The following FIGNL2 variants were observed in gnomAD, a reference collection of about 807,000 sequenced individuals.
The protein encoded by FIGNL2 is fidgetin-like protein 2.
For synonymous variants in FIGNL2, 565 were observed against 484.0 expected, an observed-to-expected ratio of 1.17 and a Z score of -2.20; for missense variants, 1,060 against 950.2, an observed-to-expected ratio of 1.12 and a Z score of -1.52.
rs765510193 is a variant in FIGNL2, at chr12:51,821,601, G to C, written c.813C>G (p.Asp271Glu). The C allele has an allele frequency of 6.6e-7, 1 of 1,506,458 alleles. No individual in the cohort carries two copies. The highest frequency in any genetic ancestry group is 2.7e-5 in the East Asian group (1 of 36,776). 93.3% of individuals were successfully genotyped at this position (1,506,458 alleles called of 1,614,324 possible). ...SGLSLKRKAA[D>E]EGPEGRYRKY... ...TGCGGTAGCGGCCCTCGGGCCCCTC[G>C]TCGGCGGCCTTGCGCTTCAGCGACA... The change falls in exon 2 of 2, where the codon GAC becomes GAG. Residue 271 changes from aspartate (D) to glutamate (E), a missense_variant. Asp to Glu is a conservative substitution (Grantham distance 45). Transcript: ENST00000618634.
chr12:51,825,809 G>C (rs1939330236), intron 1 of FIGNL2: 2 of 151,774 alleles, frequency 1.3e-5, no homozygotes, highest in Admixed American at 1.3e-4. Flanking sequence ...GTAGAGACGG[G>C]GTTTCACCGT....
chr12:51,848,424 A>G, intron 1 of FIGNL2, 116 bp downstream of exon 1: 1 of 981,090 alleles, frequency 1.0e-6, no homozygotes, highest in Non-Finnish European at 1.2e-6. Context: ...CCCCGCGACT[A>G]GCAGCCCCCG....
In FIGNL2 at chr12:51,819,782, T is replaced by G. The variant is rs1490568180; in HGVS notation, c.*670A>C. 3 of 152,622 alleles carry G rather than the reference T, an allele frequency of 2.0e-5. No homozygotes were observed. Among genetic ancestry groups the G allele is most frequent in the African/African-American group, 4.8e-5 (2 of 41,414 alleles). 9.5% of individuals were successfully genotyped at this position (152,622 alleles called of 1,614,324 possible). Reference sequence around the variant, plus strand: ...TTTTTTCCTTGATCCCCCTAGACCCTAGGTTTCAGATGGGTAGAGGGGTAA... The same window carrying G: ...TTTTTTCCTTGATCCCCCTAGACCCGAGGTTTCAGATGGGTAGAGGGGTAA... On this transcript the variant is annotated 3_prime_UTR_variant, in exon 2 of 2. Coordinates refer to ENST00000618634, the MANE Select transcript of FIGNL2 (RefSeq NM_001384995.1).
In FIGNL2 at chr12:51,818,725, T is replaced by TG. The variant is rs1398391003; in HGVS notation, c.*1726dup. The TG allele has an allele frequency of 6.6e-6, 1 of 150,620 alleles. No individual in the cohort carries two copies. The highest frequency in any genetic ancestry group is 1.5e-5 in the Non-Finnish European group (1 of 67,806). 9.3% of individuals were successfully genotyped at this position (150,620 alleles called of 1,614,324 possible). A position where few individuals can be genotyped will look rare whatever the true frequency, so the allele number is the denominator to read the frequency against. On this transcript the variant is annotated 3_prime_UTR_variant, in exon 2 of 2. Coordinates refer to ENST00000618634, the MANE Select transcript of FIGNL2 (RefSeq NM_001384995.1). ...CTGAGATGGGAGAGAGAAAAAGTGG[T>TG]GGTGGGGGGGCGTGTCCCCTGCTTT...
At chr12:51,838,754 G>A (rs1475816543) in intron 1 of FIGNL2, among the ~76,000 whole-genome samples, 1 of 152,166 alleles carries the variant, frequency 6.6e-6, no homozygotes, top group Non-Finnish European at 1.5e-5. Context: ...CTGGCTAGGT[G>A]CAGTGGCCTG....
chr12:51,831,333 T>C (rs1939462016), intron 1 of FIGNL2, among the ~76,000 whole-genome samples: 2 of 152,110 alleles, frequency 1.3e-5, no homozygotes, highest in African/African-American at 4.8e-5. Context: ...GGACAGCAGG[T>C]CCCAGCTCGG....
At chr12:51,834,636 G>A (rs1486031191) in intron 1 of FIGNL2, among the ~76,000 whole-genome samples, 1 of 152,200 alleles carries the variant, frequency 6.6e-6, no homozygotes. Context: ...AGGTCGGCCT[G>A]GGAGAAGCTG....
rs1180913708 is a variant in FIGNL2 at position 51,845,675 on chromosome 12, G to A, written c.-12+2865C>T. The A allele has an allele frequency of 6.1e-6, 6 of 985,314 alleles. No homozygotes were observed. The South Asian group carries it at 2.3e-4, about 39-fold the overall frequency. 61.0% of individuals were successfully genotyped at this position (985,314 alleles called of 1,614,324 possible). On this transcript the variant is annotated intron_variant, in intron 1 of 1. Coordinates refer to ENST00000618634, the MANE Select transcript of FIGNL2 (RefSeq NM_001384995.1). ...TTCTGCTAGAAGGCACAGGGAAGGTGAGGGAGACCAGCCTGTCTCTTGCCC... is the reference window on the plus strand; with the variant it reads ...TTCTGCTAGAAGGCACAGGGAAGGTAAGGGAGACCAGCCTGTCTCTTGCCC...
intron 1 of FIGNL2, among the ~76,000 whole-genome samples, chr12:51,827,184 C>T (rs4762019): frequency 0.28 from 41,879 of 152,162 alleles, 6,439 homozygotes; most frequent in Admixed American, 0.34. Flanking sequence ...CTCCCCAGGA[C>T]GGGGACCCCA....
At chr12:51,843,913 A>ATTT (rs878906013) in intron 1 of FIGNL2, among the ~76,000 whole-genome samples, 2 of 146,296 alleles carry the variant, frequency 1.4e-5, no homozygotes, top group East Asian at 2.0e-4. Flanking sequence ...CGCCTCTACA[A>ATTT]TTTTTTTTTT....
At chr12:51,847,463 C>G (rs1259295539) in intron 1 of FIGNL2, 2 of 985,362 alleles carry the variant, frequency 2.0e-6, no homozygotes, top group African/African-American at 1.7e-5. Flanking sequence ...ATTCTTCAGT[C>G]CTCTATTCTC....
chr12:51,820,370 G>T lies in FIGNL2; in HGVS notation c.*82C>A. ...TTCACCACTCCAGCCCCTGCCAGCC[G>T]GGTTTAGTCAGTGACATCCCTCCCA... On this transcript the variant is annotated 3_prime_UTR_variant, in exon 2 of 2. Coordinates refer to ENST00000618634, the MANE Select transcript of FIGNL2 (RefSeq NM_001384995.1). The T allele has an allele frequency of 6.6e-7, 1 of 1,511,838 alleles. No individual in the cohort carries two copies. Among genetic ancestry groups the T allele is most frequent in the Non-Finnish European group, 8.8e-7 (1 of 1,133,986 alleles). 93.7% of individuals were successfully genotyped at this position (1,511,838 alleles called of 1,614,324 possible). A position where few individuals can be genotyped will look rare whatever the true frequency, so the allele number is the denominator to read the frequency against.
At chr12:51,840,004 AG>A (rs1939634589) in intron 1 of FIGNL2, among the ~76,000 whole-genome samples, 2 of 152,264 alleles carry the variant, frequency 1.3e-5, no homozygotes. Flanking sequence ...CTTTTTAAAA[AG>A]ATGACTTGCT....
Position 51,820,618 on chromosome 12 carries a change from C to T in FIGNL2, c.1796G>A (p.Gly599Glu), listed in dbSNP as rs1471182009. Residue 599 changes from glycine (G) to glutamate (E), a missense_variant, in exon 2 of 2, where the codon GGG (glycine) becomes GAG (glutamate). Transcript: ENST00000618634. ...GGCCGCCGCCTGCTGGCACAGCTGC[C>T]CCAGCTCGCCCCCAGAGAAGCCCTG... ...GTQGFSGGEL[G>E]QLCQQAAAGA... 6.6e-7 allele frequency: 1 copy of T among 1,526,022 alleles called. No individual in the cohort carries two copies. Among genetic ancestry groups the T allele is most frequent in the Non-Finnish European group, 8.7e-7 (1 of 1,143,144 alleles). 94.5% of individuals were successfully genotyped at this position (1,526,022 alleles called of 1,614,324 possible).
chr12:51,820,797 C>T lies in FIGNL2; in HGVS notation c.1617G>A (p.Ala539=). ...GCCGGCGGGTCGCCTCGTCCAGAGCCGCGGGCCGCGAGGTGGTGCCCACAA... is the reference window on the plus strand; with the variant it reads ...GCCGGCGGGTCGCCTCGTCCAGAGCTGCGGGCCGCGAGGTGGTGCCCACAA... The part of the protein sequence containing the change: ...VLVVGTTSRP[A]ALDEATRRRF... The change falls in exon 2 of 2, where the codon GCG becomes GCA. Residue 539 remains alanine, a synonymous_variant. Coordinates refer to ENST00000618634, the MANE Select transcript of FIGNL2 (RefSeq NM_001384995.1). 2 of 1,475,000 alleles carry T rather than the reference C, an allele frequency of 1.4e-6. No individual in the cohort carries two copies. Among genetic ancestry groups the T allele is most frequent in the Non-Finnish European group, 1.8e-6 (2 of 1,121,210 alleles). 91.4% of individuals were successfully genotyped at this position (1,475,000 alleles called of 1,614,324 possible).
At chr12:51,844,865 G>C in intron 1 of FIGNL2, 1 of 985,352 alleles carries the variant, frequency 1.0e-6, no homozygotes, top group Non-Finnish European at 1.2e-6. Context: ...TCATACCCCT[G>C]GTCGCTTGGT....
chr12:51,818,730 G>C lies in FIGNL2; in HGVS notation c.*1722C>G, dbSNP rs148043422. ...ATGGGAGAGAGAAAAAGTGGTGGTG[G>C]GGGGGCGTGTCCCCTGCTTTGGACT... is the stretch of plus-strand genomic sequence containing the variant. On this transcript the variant is annotated 3_prime_UTR_variant, in exon 2 of 2. Transcript: ENST00000618634. The C allele has an allele frequency of 3.3e-3, 500 of 152,640 alleles. 3 individuals are homozygous for C. Among genetic ancestry groups the C allele is most frequent in the Non-Finnish European group, 5.8e-3 (394 of 68,334 alleles). The allele number at this position is 152,640 out of a possible 1,614,324, so 9.5% of individuals were successfully genotyped here. A position where few individuals can be genotyped will look rare whatever the true frequency, so the allele number is the denominator to read the frequency against.
chr12:51,829,285 G>A (rs1003210867), intron 1 of FIGNL2, among the ~76,000 whole-genome samples: 5 of 152,186 alleles, frequency 3.3e-5, no homozygotes, highest in South Asian at 4.1e-4. Flanking sequence ...TGCTTACAAC[G>A]GGTGCCCCAG....
intron 1 of FIGNL2, among the ~76,000 whole-genome samples, chr12:51,834,101 A>ATGGG (rs61273867): frequency 1.8e-5 from 2 of 110,686 alleles, no homozygotes; most frequent in African/African-American, 3.5e-5. Flanking sequence ...GGATGGGTGG[A>ATGGG]TGGATGGTTG....
Sources: allele counts gnomAD v4.1 joint callset (sites outside exome capture counted in the v4.1 genomes callset), GRCh38; gene constraint gnomAD v4.1.1; transcripts MANE v1.5; gene names NCBI Gene and HGNC (gene_info 2026-07-23, HGNC 2026-07-21).